Variants in MGAT4C observed in about 807,000 individuals in gnomAD.
The protein encoded by MGAT4C is MGAT4 family member C.
MGAT4C carries 19 observed loss-of-function variants against 40.1 expected under a neutral mutation model. The ratio of observed to expected loss-of-function variants is 0.47; its 90% CI spans 0.33 to 0.70. MGAT4C has a LOEUF of 0.70. Among genes scored for constraint, MGAT4C ranks in the 30% least tolerant of loss-of-function variants. The pLI is 0.02. For synonymous variants in MGAT4C, 181 were observed against 187.1 expected, an observed-to-expected ratio of 0.97 and a Z score of 0.27; for missense variants, 491 against 563.2, an observed-to-expected ratio of 0.87 and a Z score of 1.30.
intron 1 of MGAT4C, among the ~76,000 whole-genome samples, chr12:86,801,210 C>T (rs1347515928): frequency 6.6e-6 from 1 of 151,852 alleles, no homozygotes; most frequent in African/African-American, 2.4e-5. Flanking sequence ...CAGAAGACAG[C>T]TCTCCTTGTC....
At chr12:86,179,981 G>A (rs1301219203) in intron 1 of MGAT4C, among the ~76,000 whole-genome samples, 2 of 152,200 alleles carry the variant, frequency 1.3e-5, no homozygotes, top group African/African-American at 4.8e-5. Context: ...CAACCTTCAT[G>A]GCAGCCGCTC....
At chr12:86,749,555 A>T (rs1021363636) in intron 1 of MGAT4C, among the ~76,000 whole-genome samples, 1 of 151,684 alleles carries the variant, frequency 6.6e-6, no homozygotes, top group Non-Finnish European at 1.5e-5. Flanking sequence ...AGATTTTAAA[A>T]TTTTCTCTTA....
chr12:86,550,398 A>G (rs1237830339), intron 2 of MGAT4C, among the ~76,000 whole-genome samples: 2 of 152,160 alleles, frequency 1.3e-5, no homozygotes, highest in Non-Finnish European at 2.9e-5. Context: ...CACTTTGAAT[A>G]GCTGCTGGGA....
At chr12:86,163,102 C>T (rs973692560) in intron 1 of MGAT4C, among the ~76,000 whole-genome samples, 1 of 152,124 alleles carries the variant, frequency 6.6e-6, no homozygotes, top group Admixed American at 6.5e-5. Flanking sequence ...TGAGTAAAAT[C>T]GCTACAGTCA....
Position 86,370,356 on chromosome 12 carries a change from A to G in MGAT4C, c.-119-36229T>C, listed in dbSNP as rs981700860. ...GGAAAGATAAATAGATATCTTCAGC[A>G]TGAGAAAACAGCGTGTGCAAAATAT... On this transcript the variant is annotated intron_variant, in intron 3 of 7. Transcript: ENST00000548651. Among the ~76,000 whole-genome samples, 3 of 152,096 alleles carry G rather than the reference A, an allele frequency of 2.0e-5. No individual in the cohort carries two copies. In the East Asian group the frequency reaches 5.8e-4, roughly 29 times the overall value.
intron 4 of MGAT4C, among the ~76,000 whole-genome samples, chr12:86,279,608 T>A (rs1415459391): frequency 6.6e-6 from 1 of 151,894 alleles, no homozygotes; most frequent in Non-Finnish European, 1.5e-5. Context: ...GTTTTGTTGA[T>A]CTTTTTTATT....
chr12:86,590,050 T>A (rs1961258007), intron 2 of MGAT4C, among the ~76,000 whole-genome samples: 1 of 151,936 alleles, frequency 6.6e-6, no homozygotes, highest in Non-Finnish European at 1.5e-5. Context: ...TGGATGCACC[T>A]CTCTCTGTTT....
At chr12:86,384,949 T>C (rs1368581624) in intron 3 of MGAT4C, among the ~76,000 whole-genome samples, 2 of 152,236 alleles carry the variant, frequency 1.3e-5, no homozygotes, top group Non-Finnish European at 2.9e-5. Flanking sequence ...TAATTTCTAC[T>C]AATTTCTGAC....
intron 1 of MGAT4C, among the ~76,000 whole-genome samples, chr12:86,093,366 T>C (rs1873233755): frequency 6.6e-6 from 1 of 152,160 alleles, no homozygotes; most frequent in East Asian, 1.9e-4. Context: ...GGATTCTATC[T>C]AATACTTTGA....
chr12:86,694,631 G>T (rs1950224026), intron 2 of MGAT4C, among the ~76,000 whole-genome samples: 1 of 152,094 alleles, frequency 6.6e-6, no homozygotes, highest in African/African-American at 2.4e-5. Context: ...CTTTAGAAGT[G>T]ACCGCAATCT....
chr12:86,367,100 T>C (rs1258479230), intron 3 of MGAT4C, among the ~76,000 whole-genome samples: 1 of 152,024 alleles, frequency 6.6e-6, no homozygotes, highest in East Asian at 1.9e-4. Context: ...AGGAGCACTG[T>C]CATCTCAGAC....
chr12:86,161,462 G>T (rs1351588235), intron 1 of MGAT4C, among the ~76,000 whole-genome samples: 4 of 152,124 alleles, frequency 2.6e-5, no homozygotes, highest in Non-Finnish European at 5.9e-5. Flanking sequence ...ATATGCAGAA[G>T]ATTGAAGCTG....
intron 2 of MGAT4C, among the ~76,000 whole-genome samples, chr12:86,633,553 G>C (rs2136509601): frequency 6.6e-6 from 1 of 151,952 alleles, no homozygotes; most frequent in African/African-American, 2.4e-5. Flanking sequence ...TACCTATTAG[G>C]ATGCAAAAAA....
chr12:86,593,720 C>T (rs548156548), intron 2 of MGAT4C, among the ~76,000 whole-genome samples: 2 of 152,160 alleles, frequency 1.3e-5, no homozygotes, highest in South Asian at 4.1e-4. Context: ...GGAAAATGCA[C>T]TTTTTATTAT....
intron 2 of MGAT4C, among the ~76,000 whole-genome samples, chr12:86,532,257 C>T (rs1958998695): frequency 6.6e-6 from 1 of 151,912 alleles, no homozygotes; most frequent in African/African-American, 2.4e-5. Flanking sequence ...ACATATAACA[C>T]TTATTCAGTT....
At chr12:86,476,573 C>G (rs2136308629) in intron 2 of MGAT4C, among the ~76,000 whole-genome samples, 1 of 152,086 alleles carries the variant, frequency 6.6e-6, no homozygotes, top group Non-Finnish European at 1.5e-5. Context: ...CATCCCACTC[C>G]TGGGTTTATA....
At chr12:86,680,889 A>T (rs1012344424) in intron 2 of MGAT4C, among the ~76,000 whole-genome samples, 1 of 151,978 alleles carries the variant, frequency 6.6e-6, no homozygotes, top group Non-Finnish European at 1.5e-5. Context: ...GAATCCAATA[A>T]TCAGGAACAA....
At chr12:86,736,638 A>G (rs1013856465) in intron 1 of MGAT4C, among the ~76,000 whole-genome samples, 4 of 151,728 alleles carry the variant, frequency 2.6e-5, no homozygotes, top group Admixed American at 6.6e-5. Context: ...CTCACATTGT[A>G]TCATCCTAAT....
intron 1 of MGAT4C, among the ~76,000 whole-genome samples, chr12:86,744,163 T>C (rs1486507664): frequency 6.6e-6 from 1 of 151,526 alleles, no homozygotes; most frequent in African/African-American, 2.4e-5. Flanking sequence ...AGCTGTAAAA[T>C]TTGGTAGAGA....
Sources: gnomAD v4.1 joint callset for allele counts (sites outside exome capture counted in the v4.1 genomes callset) on GRCh38, gnomAD v4.1.1 for gene constraint, MANE v1.5 for transcripts, NCBI Gene and HGNC (gene_info 2026-07-23, HGNC 2026-07-21) for gene names.